Variants in NHSL1 observed in about 807,000 individuals in gnomAD.
NHSL1 encodes NHS-like protein 1.
In NHSL1, 48 loss-of-function variants were observed where a neutral mutation model predicts 95.0. The observed-to-expected ratio is 0.51, with a 90% CI of 0.40 to 0.64. The LOEUF (loss-of-function observed/expected upper bound fraction) is 0.64. NHSL1 is among the 30% of genes least tolerant of loss of function. The probability of loss-of-function intolerance (pLI) is 0.00; values close to 1 mark genes in which losing one functional copy is unlikely to be tolerated. For synonymous variants in NHSL1, 783 were observed against 833.9 expected (o/e 0.94, Z 1.05); for missense variants, 1,971 against 2,077.7 (o/e 0.95, Z 1.00).
chr6:138,501,534 CA>C (rs1019241349), upstream of NHSL1, among the ~76,000 whole-genome samples: 11 of 152,054 alleles, frequency 7.2e-5, no homozygotes, highest in African/African-American at 1.9e-4. Flanking sequence ...GGCAAGAAAA[CA>C]AAACTGTGTA....
intron 3 of NHSL1, among the ~76,000 whole-genome samples, chr6:138,461,000 A>G (rs1777961795): frequency 6.6e-6 from 1 of 152,052 alleles, no homozygotes; most frequent in South Asian, 2.1e-4. Context: ...TTGAGGTTTC[A>G]AAGGTGTTTC....
intron 1 of NHSL1, among the ~76,000 whole-genome samples, chr6:138,553,045 T>C (rs532214677): frequency 3.9e-5 from 6 of 152,216 alleles, no homozygotes; most frequent in Admixed American, 6.5e-5. Flanking sequence ...AGAACTCCAA[T>C]TGCACCATCC....
intron 2 of NHSL1, among the ~76,000 whole-genome samples, chr6:138,495,318 A>G (rs1442979449): frequency 2.0e-5 from 3 of 152,208 alleles, no homozygotes; most frequent in Non-Finnish European, 4.4e-5. Flanking sequence ...CATTCTTCCT[A>G]TATTTTCTAC....
chr6:138,679,339 C>T (rs1785484461), intron 1 of NHSL1, among the ~76,000 whole-genome samples: 1 of 152,060 alleles, frequency 6.6e-6, no homozygotes, highest in Non-Finnish European at 1.5e-5. Flanking sequence ...TTGATTAGAC[C>T]AATAGGCATG....
intron 1 of NHSL1, among the ~76,000 whole-genome samples, chr6:138,551,899 T>C (rs1187097713): frequency 6.6e-6 from 1 of 152,184 alleles, no homozygotes; most frequent in Non-Finnish European, 1.5e-5. Context: ...AGGCCTGACC[T>C]ACTGAGTCCC....
rs547305453 is a variant in NHSL1 at position 138,662,135 on chromosome 6, CT to C, written c.96+30340del. On this transcript the variant is annotated intron_variant, in intron 1 of 3. Transcript: ENST00000491526. ...GAAACAGATTTAATTCTAGAGTAAG[CT>C]TTTTTTCAGAAAAAAAAAAAAATCT... is the stretch of plus-strand genomic sequence containing the variant. 2.5e-3 allele frequency among the ~76,000 whole-genome samples: 344 copies of C among 138,552 alleles called. 1 individual carries two copies. The highest frequency in any genetic ancestry group is 8.5e-3 in the African/African-American group (326 of 38,302). 90.9% of individuals were successfully genotyped at this position (138,552 alleles called of 152,430 possible). A position where few individuals can be genotyped will look rare whatever the true frequency, so the allele number is the denominator to read the frequency against.
chr6:138,524,022 GT>G (rs974179424), intron 1 of NHSL1, among the ~76,000 whole-genome samples: 1 of 152,184 alleles, frequency 6.6e-6, no homozygotes, highest in Admixed American at 6.5e-5. Flanking sequence ...CATTTTTGGA[GT>G]TGAGGAAATG....
intron 1 of NHSL1, among the ~76,000 whole-genome samples, chr6:138,597,891 C>T (rs1296319195): frequency 6.6e-6 from 1 of 152,112 alleles, no homozygotes; most frequent in Non-Finnish European, 1.5e-5. Context: ...GACTGAGAAG[C>T]ACTGACCTAC....
intron 1 of NHSL1, among the ~76,000 whole-genome samples, chr6:138,608,748 C>A (rs1197861697): frequency 6.6e-6 from 1 of 152,184 alleles, no homozygotes. Flanking sequence ...ACTGCCACTA[C>A]AAACAAAGCT....
chr6:138,589,939 C>T (rs368164845), intron 1 of NHSL1, among the ~76,000 whole-genome samples: 2 of 152,082 alleles, frequency 1.3e-5, no homozygotes, highest in Non-Finnish European at 2.9e-5. Flanking sequence ...ATGTGCTGAC[C>T]GGGCTGGCTC....
chr6:138,671,600 G>C (rs752238991), intron 1 of NHSL1, among the ~76,000 whole-genome samples: 1 of 152,098 alleles, frequency 6.6e-6, no homozygotes, highest in Non-Finnish European at 1.5e-5. Context: ...AACCAGCCAC[G>C]GAGGAACACT....
intron 5 of NHSL1, among the ~76,000 whole-genome samples, chr6:138,439,782 T>A (rs1309655388): frequency 6.6e-6 from 1 of 151,764 alleles, no homozygotes; most frequent in African/African-American, 2.4e-5. Context: ...ACAACCCAGA[T>A]GATGCGGGGA....
chr6:138,646,756 T>C (rs1449600152), intron 1 of NHSL1, among the ~76,000 whole-genome samples: 1 of 152,168 alleles, frequency 6.6e-6, no homozygotes, highest in Non-Finnish European at 1.5e-5. Flanking sequence ...CCATTCTGGG[T>C]TTACAGTCAT....
intron 5 of NHSL1, among the ~76,000 whole-genome samples, chr6:138,435,708 T>TG (rs113120397): frequency 6.6e-6 from 1 of 151,548 alleles, no homozygotes; most frequent in African/African-American, 2.4e-5. Context: ...TGCAGATAAC[T>TG]GGGGTTTTTT....
At chr6:138,686,294 G>T (rs1785583656) in intron 1 of NHSL1, among the ~76,000 whole-genome samples, 1 of 152,154 alleles carries the variant, frequency 6.6e-6, no homozygotes, top group Non-Finnish European at 1.5e-5. Flanking sequence ...GGCCAAAACG[G>T]GCAGATGCTT....
At chr6:138,478,169 A>G (rs1243041531) in intron 2 of NHSL1, among the ~76,000 whole-genome samples, 1 of 151,810 alleles carries the variant, frequency 6.6e-6, no homozygotes, top group African/African-American at 2.4e-5. Flanking sequence ...ATACACCACC[A>G]TGCCTGGCTA....
At chr6:138,519,463 C>G (rs1781587842) in intron 1 of NHSL1, among the ~76,000 whole-genome samples, 1 of 151,296 alleles carries the variant, frequency 6.6e-6, no homozygotes, top group Non-Finnish European at 1.5e-5. Flanking sequence ...TTTTTTTAAA[C>G]CAGAGAAATA....
intron 1 of NHSL1, among the ~76,000 whole-genome samples, chr6:138,522,154 G>A (rs758625345): frequency 1.3e-5 from 2 of 152,174 alleles, no homozygotes; most frequent in Non-Finnish European, 2.9e-5. Flanking sequence ...CTGAAGAGGA[G>A]GTGAGAAAGC....
Position 138,658,054 on chromosome 6 carries a change from G to A in NHSL1, c.96+34422C>T, listed in dbSNP as rs558928655. ...CTTTTGCTATCTACAGCCATCTCCC[G>A]AAAATGAAGTCTCTAGCTGTTACTG... is the stretch of plus-strand genomic sequence containing the variant. On this transcript the variant is annotated intron_variant, in intron 1 of 3. Transcript: ENST00000491526. 3.1e-4 allele frequency among the ~76,000 whole-genome samples: 47 copies of A among 152,078 alleles called. 1 individual carries two copies. The highest frequency in any genetic ancestry group is 9.2e-4 in the African/African-American group (38 of 41,500).
Sources: allele counts gnomAD v4.1 joint callset (sites outside exome capture counted in the v4.1 genomes callset), GRCh38; gene constraint gnomAD v4.1.1; transcripts MANE v1.5; gene names NCBI Gene and HGNC (gene_info 2026-07-23, HGNC 2026-07-21).